MAP2K5: variants seen among roughly 807,000 people sequenced by gnomAD.
MAP2K5 encodes the protein dual specificity mitogen-activated protein kinase kinase 5.
A neutral mutation model predicts 83.1 loss-of-function variants in MAP2K5; 49 were observed. The ratio of observed to expected loss-of-function variants is 0.59; its 90% confidence interval spans 0.47 to 0.75. MAP2K5 has a LOEUF of 0.75. Ranked by LOEUF, MAP2K5 falls within the 30% of genes least tolerant of loss-of-function variation. The probability of loss-of-function intolerance (pLI) is 0.00; values close to 1 mark genes in which losing one functional copy is unlikely to be tolerated. For missense variants in MAP2K5, 457 were observed against 557.5 expected, an observed-to-expected ratio of 0.82 and a Z score of 1.82; for synonymous variants, 202 against 191.8, an observed-to-expected ratio of 1.05 and a Z score of -0.44.
In MAP2K5 at chr15:67,587,077, T is replaced by G. The variant is rs1365993940; in HGVS notation, c.431+164T>G. 6.6e-6 allele frequency among the ~76,000 whole-genome samples: 1 copy of G among 152,184 alleles called. No individual in the cohort carries two copies. Among genetic ancestry groups the G allele is most frequent in the African/African-American group, 2.4e-5 (1 of 41,442 alleles). ...GAAAGATGAATGTTTAGATTTAGACTGGGTGCTGAGAAGGCTCTCTGGGGA... is the reference window on the plus strand; with the variant it reads ...GAAAGATGAATGTTTAGATTTAGACGGGGTGCTGAGAAGGCTCTCTGGGGA... On this transcript the variant is annotated intron_variant, in intron 6 of 21. Transcript: ENST00000178640. The surrounding 1 kb of genome is among the most constrained non-coding windows in gnomAD (Gnocchi z 4.8).
chr15:67,733,230 C>T (rs1050004039), intron 17 of MAP2K5, among the ~76,000 whole-genome samples: 6 of 152,104 alleles, frequency 3.9e-5, no homozygotes, highest in South Asian at 4.1e-4. Context: ...TTTATACAAC[C>T]GCCAGCGGAA....
At chr15:67,691,695 C>T (rs1233161670) in intron 13 of MAP2K5, among the ~76,000 whole-genome samples, 1 of 152,078 alleles carries the variant, frequency 6.6e-6, no homozygotes, top group African/African-American at 2.4e-5. Flanking sequence ...TTTTTGGGCT[C>T]CCTGAATTCC....
intron 21 of MAP2K5, among the ~76,000 whole-genome samples, chr15:67,797,743 C>G (rs961796639): frequency 6.6e-6 from 1 of 151,990 alleles, no homozygotes. Context: ...AGTGCAGTGG[C>G]GTGATCTCGG....
In MAP2K5 at chr15:67,774,151, C is replaced by T. The variant is rs2141307117; in HGVS notation, c.1242+1399C>T. Among the ~76,000 whole-genome samples the T allele has an allele frequency of 7.4e-6, 1 of 134,912 alleles. No individual in the cohort carries two copies. Among genetic ancestry groups the T allele is most frequent in the South Asian group, 2.6e-4 (1 of 3,796 alleles). 88.5% of individuals were successfully genotyped at this position (134,912 alleles called of 152,430 possible). ...GTGAGTACTTTCAGTGCCTTGAAAG[C>T]AAGTGATGTGTGTGTATGTGTGTGT... On this transcript the variant is annotated intron_variant, in intron 21 of 21. Transcript: ENST00000178640. The surrounding 1 kb of genome is among the most constrained non-coding windows in gnomAD (Gnocchi z 4.9).
intron 13 of MAP2K5, among the ~76,000 whole-genome samples, chr15:67,691,621 G>T (rs1045272941): frequency 6.6e-6 from 1 of 152,212 alleles, no homozygotes; most frequent in Non-Finnish European, 1.5e-5. Flanking sequence ...CATAAAAGAC[G>T]CATTGAAGCA....
intron 13 of MAP2K5, among the ~76,000 whole-genome samples, chr15:67,689,268 G>A (rs1168163987): frequency 2.0e-5 from 3 of 152,118 alleles, no homozygotes; most frequent in Non-Finnish European, 4.4e-5. Context: ...TAAATCATAT[G>A]CTTTGTCCCA....
At chr15:67,604,402 A>G (rs1384499899) in intron 8 of MAP2K5, among the ~76,000 whole-genome samples, 2 of 152,242 alleles carry the variant, frequency 1.3e-5, no homozygotes, top group Admixed American at 6.5e-5. Context: ...TTCAGGAAAG[A>G]CACATGTTCT....
intron 4 of MAP2K5, among the ~76,000 whole-genome samples, chr15:67,582,262 A>G (rs904135636): frequency 6.6e-6 from 1 of 151,948 alleles, no homozygotes; most frequent in African/African-American, 2.4e-5. Context: ...GGGTTTTACC[A>G]TGTTGGCCAG....
At chr15:67,547,127 GTC>G (rs935690153) in intron 1 of MAP2K5, among the ~76,000 whole-genome samples, 58 of 129,616 alleles carry the variant, frequency 4.5e-4, no homozygotes, top group African/African-American at 1.6e-3. Flanking sequence ...TCTAAACTGA[GTC>G]TGTGATTTTT....
intron 3 of MAP2K5, among the ~76,000 whole-genome samples, chr15:67,576,887 T>G (rs1406896855): frequency 6.8e-6 from 1 of 146,540 alleles, no homozygotes; most frequent in East Asian, 2.0e-4. Context: ...ATTTTATTGC[T>G]GCAGTTTAAT....
Position 67,698,410 on chromosome 15 carries a change from G to A in MAP2K5, c.972+4842G>A, listed in dbSNP as rs1464350559. 2.6e-5 allele frequency among the ~76,000 whole-genome samples: 4 copies of A among 151,972 alleles called. No individual in the cohort carries two copies. Among genetic ancestry groups the A allele is most frequent in the Admixed American group, 6.6e-5 (1 of 15,258 alleles). ...GCGCCATGTTGGCCATGCTGGTCTC[G>A]AACTCCTGGCCTCAAGTGATCCACC... On this transcript the variant is annotated intron_variant, in intron 15 of 21. Transcript: ENST00000178640. The surrounding 1 kb of genome is among the most constrained non-coding windows in gnomAD (Gnocchi z 4.5).
intron 15 of MAP2K5, among the ~76,000 whole-genome samples, chr15:67,697,650 C>T (rs994315801): frequency 5.3e-5 from 8 of 152,198 alleles, no homozygotes; most frequent in African/African-American, 1.9e-4. Flanking sequence ...GTGTCTTGTT[C>T]TCTAATTATA....
chr15:67,803,561 A>G (rs1032948441), intron 21 of MAP2K5, among the ~76,000 whole-genome samples: 2 of 152,106 alleles, frequency 1.3e-5, no homozygotes, highest in African/African-American at 4.8e-5. Flanking sequence ...ACCAGGAGAC[A>G]TGAGCTCAGT....
chr15:67,612,578 A>G (rs916369358), intron 8 of MAP2K5, among the ~76,000 whole-genome samples: 5 of 152,110 alleles, frequency 3.3e-5, no homozygotes, highest in Non-Finnish European at 5.9e-5. Flanking sequence ...ATATGATGGT[A>G]GTTTGTGTCG....
chr15:67,716,243 A>G (rs538173887), intron 16 of MAP2K5, among the ~76,000 whole-genome samples: 3 of 152,330 alleles, frequency 2.0e-5, no homozygotes, highest in Non-Finnish European at 4.4e-5. Flanking sequence ...CGGGAGGCTG[A>G]GGCAGGAGGA....
chr15:67,806,287 C>T (rs2090803989), intron 21 of MAP2K5, among the ~76,000 whole-genome samples: 2 of 152,376 alleles, frequency 1.3e-5, no homozygotes, highest in African/African-American at 2.4e-5. Flanking sequence ...AGTGCCAGGC[C>T]TCGGCTGACT....
At chr15:67,614,862 T>C (rs1342662599) in intron 8 of MAP2K5, among the ~76,000 whole-genome samples, 1 of 152,206 alleles carries the variant, frequency 6.6e-6, no homozygotes, top group Non-Finnish European at 1.5e-5. Flanking sequence ...ATCTTTCTAA[T>C]CTAGCCAAGT....
chr15:67,620,727 A>G (rs951083376), intron 8 of MAP2K5, among the ~76,000 whole-genome samples: 3 of 152,236 alleles, frequency 2.0e-5, no homozygotes, highest in African/African-American at 7.2e-5. Flanking sequence ...AAAACATTCT[A>G]AGATTTTTAT....
Position 67,774,663 on chromosome 15 carries a change from C to G in MAP2K5, c.1242+1911C>G, listed in dbSNP as rs2090205489. Among the ~76,000 whole-genome samples, 1 of 152,206 alleles carries G rather than the reference C, an allele frequency of 6.6e-6. No homozygotes were observed. ...ATTAATGGCTTTAATTTTTCCTTTT[C>G]TCTTCCCACCTACAACCTATTTGAT... On this transcript the variant is annotated intron_variant, in intron 21 of 21. Coordinates refer to ENST00000178640, the MANE Select transcript of MAP2K5 (RefSeq NM_145160.3). The surrounding 1 kb of genome is among the most constrained non-coding windows in gnomAD (Gnocchi z 4.9).
Sources: allele counts gnomAD v4.1 joint callset (sites outside exome capture counted in the v4.1 genomes callset), GRCh38; gene constraint gnomAD v4.1.1; non-coding constraint Gnocchi (gnomAD v3.1); transcripts MANE v1.5; gene names NCBI Gene and HGNC (gene_info 2026-07-23, HGNC 2026-07-21).